The following MAP4K1 variants were observed in gnomAD, a reference collection of about 807,000 sequenced individuals.
MAP4K1 encodes mitogen-activated protein kinase kinase kinase kinase 1.
In MAP4K1, 35 loss-of-function variants were observed where a neutral mutation model predicts 122.8. That is an observed-to-expected ratio of 0.29 (90% CI 0.22 to 0.38). The LOEUF (loss-of-function observed/expected upper bound fraction) is 0.38. MAP4K1 is among the 10% of genes least tolerant of loss of function. The probability of loss-of-function intolerance (pLI) is 1.00; values close to 1 mark genes in which losing one functional copy is unlikely to be tolerated. For missense variants in MAP4K1, 791 were observed against 1,072.6 expected, an observed-to-expected ratio of 0.74 and a Z score of 3.67; for synonymous variants, 412 against 421.3, an observed-to-expected ratio of 0.98 and a Z score of 0.27.
chr19:38,590,134 A>G (rs553631532), intron 30 of MAP4K1, among the ~76,000 whole-genome samples: 6 of 151,876 alleles, frequency 4.0e-5, no homozygotes, highest in Non-Finnish European at 8.8e-5. Flanking sequence ...TAATGGGACA[A>G]ACTAGCATTG....
At position 38,613,885 on chromosome 19, in the gene MAP4K1, G is replaced by A. The variant is rs1243387564; in HGVS notation, c.528C>T (p.Pro176=). The A allele has an allele frequency of 6.2e-7, 1 of 1,608,476 alleles. No individual in the cohort carries two copies. The highest frequency in any genetic ancestry group is 8.5e-7 in the Non-Finnish European group (1 of 1,177,832). ...GCCCGCTGGGCGCCACTCACCAGTA[G>A]GGTGTCCCAATGAAAGAGAGGCGTC... ...LARRLSFIGT[P]YWMAPEVAAV... The change falls in exon 8 of 31, where the codon CCC becomes CCT. Residue 176 remains proline (P), a synonymous_variant. Transcript: ENST00000396857.
At chr19:38,591,125 G>T (rs990313768) in intron 30 of MAP4K1, among the ~76,000 whole-genome samples, 1 of 152,014 alleles carries the variant, frequency 6.6e-6, no homozygotes, top group African/African-American at 2.4e-5. Context: ...AGGAGTGGGA[G>T]GTTGTGGTGA....
intron 6 of MAP4K1, 22 bp from the exon 7 acceptor site, chr19:38,614,107 G>T: frequency 6.2e-7 from 1 of 1,613,424 alleles, no homozygotes. Context: ...AGGGGATATG[G>T]GAGGCTGCAG....
intron 30 of MAP4K1, among the ~76,000 whole-genome samples, chr19:38,590,437 A>ATATATATATAT (rs1168613832): frequency 1.9e-4 from 23 of 120,476 alleles, no homozygotes; most frequent in Admixed American, 3.6e-4. Flanking sequence ...ATATATATAT[A>ATATATATATAT]ATCACGGGCG....
At chr19:38,592,917 C>T (rs544862438) in intron 30 of MAP4K1, among the ~76,000 whole-genome samples, 1 of 151,146 alleles carries the variant, frequency 6.6e-6, no homozygotes, top group African/African-American at 2.4e-5. Flanking sequence ...AACTCCATCT[C>T]AATAAATAAA....
At chr19:38,596,265 TCCGGATCTGATAAGCC>T (rs762597759) in intron 26 of MAP4K1, 31 bp downstream of exon 26, 1 of 1,495,904 alleles carries the variant, frequency 6.7e-7, no homozygotes, top group South Asian at 1.3e-5. Flanking sequence ...GCTCCGCCCC[TCCGGATCTGATAAGCC>T]CCGCCCTCAG....
intron 25 of MAP4K1, 96 bp downstream of exon 25, chr19:38,596,938 G>A (rs762342598): frequency 8.4e-7 from 1 of 1,193,658 alleles, no homozygotes; most frequent in South Asian, 1.3e-5. Context: ...CCTCGACGGA[G>A]GTGGGGCTTC....
At position 38,598,180 on chromosome 19, in the gene MAP4K1, G is replaced by A. The variant is rs143684575; in HGVS notation, c.1670-586C>T. On this transcript the variant is annotated intron_variant, in intron 22 of 30. Coordinates refer to ENST00000396857, the MANE Select transcript of MAP4K1 (RefSeq NM_001042600.3). The stretch of plus-strand genomic sequence containing the variant: ...CAAGTAGCTGGGAGTAGAGGTATGC[G>A]CCACCATGCCTGGATAATTTTTGTA... 4.0e-3 allele frequency among the ~76,000 whole-genome samples: 609 copies of A among 151,920 alleles called. 3 individuals carry two copies. The highest frequency in any genetic ancestry group is 0.014 in the African/African-American group (569 of 41,418).
At chr19:38,593,255 CCTT>C (rs757176259) in intron 30 of MAP4K1, 24 bp downstream of exon 30, 8 of 1,605,730 alleles carry the variant, frequency 5.0e-6, no homozygotes, top group Non-Finnish European at 6.8e-6. Flanking sequence ...CCTCCCAGGT[CCTT>C]CTGCACCCCA....
intron 19 of MAP4K1, among the ~76,000 whole-genome samples, chr19:38,602,140 A>G (rs751608152): frequency 6.6e-6 from 1 of 151,992 alleles, no homozygotes; most frequent in Non-Finnish European, 1.5e-5. Context: ...CAGTGATGCA[A>G]TCTCAGCTCA....
Position 38,587,643 on chromosome 19 carries a change from A to C in MAP4K1, c.*105T>G. The C allele has an allele frequency of 1.0e-6, 1 of 985,344 alleles. No homozygotes were observed. The highest frequency in any genetic ancestry group is 1.6e-6 in the Non-Finnish European group (1 of 622,242). 61.0% of individuals were successfully genotyped at this position (985,344 alleles called of 1,614,324 possible). On this transcript the variant is annotated 3_prime_UTR_variant, in exon 31 of 31. Coordinates refer to ENST00000396857, the MANE Select transcript of MAP4K1 (RefSeq NM_001042600.3). ...CCCCCAAGAAAAACAAGATGACAGC[A>C]GAGGCTAAAGTCATGTTTATTGGGA...
chr19:38,601,164 G>GTC (rs1431044011), intron 20 of MAP4K1, among the ~76,000 whole-genome samples: 11 of 151,966 alleles, frequency 7.2e-5, no homozygotes, highest in Middle Eastern at 3.4e-3. Flanking sequence ...GGCCAGGCTG[G>GTC]TCTTGAACTC....
At chr19:38,591,093 G>A (rs1974714195) in intron 30 of MAP4K1, among the ~76,000 whole-genome samples, 1 of 152,052 alleles carries the variant, frequency 6.6e-6, no homozygotes, top group Admixed American at 6.6e-5. Flanking sequence ...GGGAGGCTGA[G>A]GCAGGAGGAG....
chr19:38,605,336 A>T, intron 19 of MAP4K1, 73 bp downstream of exon 19: 1 of 1,108,396 alleles, frequency 9.0e-7, no homozygotes, highest in Non-Finnish European at 1.3e-6. Flanking sequence ...CAGTCCTGCC[A>T]CCCCCTCCCC....
chr19:38,591,938 T>C lies in MAP4K1; in HGVS notation c.2396+1344A>G, dbSNP rs1179420735. On this transcript the variant is annotated intron_variant, in intron 30 of 30. Transcript: ENST00000396857. Reference sequence around the variant, plus strand: ...GTGAGCTGAAATCACGCCACCGCATTCCAGGCTGGGCAACAGAGCAAGAAT... The same window carrying C: ...GTGAGCTGAAATCACGCCACCGCATCCCAGGCTGGGCAACAGAGCAAGAAT... Among the ~76,000 whole-genome samples the C allele has an allele frequency of 2.1e-5, 3 of 143,544 alleles. No homozygotes were observed. In the Admixed American group the frequency reaches 2.2e-4, roughly 10 times the overall value. 94.2% of individuals were successfully genotyped at this position (143,544 alleles called of 152,430 possible).
intron 3 of MAP4K1, among the ~76,000 whole-genome samples, chr19:38,616,492 C>T (rs947795527): frequency 6.6e-6 from 1 of 152,242 alleles, no homozygotes; most frequent in Non-Finnish European, 1.5e-5. Flanking sequence ...CAACTCAAAC[C>T]TAGGCCTTTG....
Position 38,595,465 on chromosome 19 carries a change from G to C in MAP4K1, c.2340+20C>G. ...GGAGGCTGGGGGGCAGTGATGTGGA[G>C]TTTGGATGGAGGGGCTTACCTGATC... is the stretch of plus-strand genomic sequence containing the variant. On this transcript the variant is annotated intron_variant, in intron 29 of 30. Transcript: ENST00000396857. The C allele has an allele frequency of 6.2e-7, 1 of 1,613,824 alleles. No individual in the cohort carries two copies. The highest frequency in any genetic ancestry group is 8.5e-7 in the Non-Finnish European group (1 of 1,179,774).
intron 28 of MAP4K1, 31 bp downstream of exon 28, chr19:38,595,609 T>C (rs1355056180): frequency 6.2e-7 from 1 of 1,613,994 alleles, no homozygotes; most frequent in African/African-American, 1.3e-5. Context: ...TTTCCACCCC[T>C]GATCCTGGGC....
At chr19:38,593,251 A>C in intron 30 of MAP4K1, 31 bp downstream of exon 30, 1 of 1,602,486 alleles carries the variant, frequency 6.2e-7, no homozygotes, top group East Asian at 2.2e-5. Flanking sequence ...GCCCCCTCCC[A>C]GGTCCTTCTG....
Sources: allele counts gnomAD v4.1 joint callset (sites outside exome capture counted in the v4.1 genomes callset), GRCh38; gene constraint gnomAD v4.1.1; transcripts MANE v1.5; gene names NCBI Gene and HGNC (gene_info 2026-07-23, HGNC 2026-07-21).